The following KIAA0586 variants were observed in gnomAD, a reference collection of about 807,000 sequenced individuals.
KIAA0586 encodes the protein KIAA0586.
A neutral mutation model predicts 169.8 loss-of-function variants in KIAA0586; 144 were observed. The observed-to-expected ratio is 0.85, with a 90% CI of 0.74 to 0.97. The LOEUF (loss-of-function observed/expected upper bound fraction) is 0.97. KIAA0586 is among the 50% of genes least tolerant of loss of function. The pLI is 0.00. For missense variants in KIAA0586, 1,854 were observed against 1,823.0 expected (o/e 1.02, Z -0.31); for synonymous variants, 625 against 612.4 (o/e 1.02, Z -0.30).
chr14:58,548,258 T>G lies in KIAA0586; in HGVS notation c.*326T>G, dbSNP rs2047103823. ...ATTTATAAAATTATGTAGCTCAAGG[T>G]TATTCATTCTAACATTTTTATAACA... On this transcript the variant is annotated 3_prime_UTR_variant, in exon 31 of 31. Transcript: ENST00000652326. The G allele has an allele frequency of 4.9e-6, 1 of 203,808 alleles. No homozygotes were observed. Among genetic ancestry groups the G allele is most frequent in the African/African-American group, 2.3e-5 (1 of 43,276 alleles). 12.6% of individuals were successfully genotyped at this position (203,808 alleles called of 1,614,324 possible). A position where few individuals can be genotyped will look rare whatever the true frequency, so the allele number is the denominator to read the frequency against.
At chr14:58,465,513 CACGTG>C (rs2040685479) in intron 14 of KIAA0586, among the ~76,000 whole-genome samples, 1 of 152,202 alleles carries the variant, frequency 6.6e-6, no homozygotes, top group African/African-American at 2.4e-5. Flanking sequence ...CTGTGGCCTA[CACGTG>C]AGCTGCCTGT....
At chr14:58,538,927 G>A (rs1173392456) in intron 29 of KIAA0586, among the ~76,000 whole-genome samples, 2 of 151,940 alleles carry the variant, frequency 1.3e-5, no homozygotes, top group East Asian at 1.9e-4. Flanking sequence ...CTACGGGCGC[G>A]AGCCACCACA....
At chr14:58,450,392 G>C (rs1383036494) in intron 7 of KIAA0586, among the ~76,000 whole-genome samples, 187 bp from the exon 8 acceptor site, 1 of 152,096 alleles carries the variant, frequency 6.6e-6, no homozygotes, top group African/African-American at 2.4e-5. Flanking sequence ...CTAGATGTAA[G>C]TGTACAATGT....
At chr14:58,538,239 G>C (rs117237144) in intron 29 of KIAA0586, among the ~76,000 whole-genome samples, 4,518 of 152,146 alleles carry the variant, frequency 0.03, 91 homozygotes, top group Non-Finnish European at 0.04. Flanking sequence ...TATGTAACTT[G>C]TATTTGTCCA....
chr14:58,517,135 C>T (rs575224357), intron 29 of KIAA0586, among the ~76,000 whole-genome samples: 1 of 152,026 alleles, frequency 6.6e-6, no homozygotes, highest in African/African-American at 2.4e-5. Flanking sequence ...TGGACTTAAT[C>T]AAAATAAAAA....
At chr14:58,454,015 A>G (rs1008149919) in intron 9 of KIAA0586, among the ~76,000 whole-genome samples, 2 of 152,182 alleles carry the variant, frequency 1.3e-5, no homozygotes, top group Non-Finnish European at 2.9e-5. Flanking sequence ...GAGATATTGT[A>G]TAGTCTATTT....
Position 58,474,914 on chromosome 14 carries a change from T to A in KIAA0586, c.2825+117T>A, listed in dbSNP as rs113648587. On this transcript the variant is annotated intron_variant, in intron 19 of 30. Coordinates refer to ENST00000652326, the MANE Select transcript of KIAA0586 (RefSeq NM_001329943.3). Reference sequence around the variant, plus strand: ...CTTTTGTTTATTAAACTTTCTTTGCTTTAGTCACTGGAAAGTGTTTGATAT... The same window carrying A: ...CTTTTGTTTATTAAACTTTCTTTGCATTAGTCACTGGAAAGTGTTTGATAT... 4.0e-5 allele frequency: 31 copies of A among 775,802 alleles called. 1 individual carries two copies. In the African/African-American group the frequency reaches 4.6e-4, roughly 12 times the overall value. The allele number at this position is 775,802 out of a possible 1,614,324, so 48.1% of individuals were successfully genotyped here. A position where few individuals can be genotyped will look rare whatever the true frequency, so the allele number is the denominator to read the frequency against.
intron 27 of KIAA0586, among the ~76,000 whole-genome samples, chr14:58,503,838 C>T (rs1034649894): frequency 1.3e-5 from 2 of 150,018 alleles, no homozygotes; most frequent in East Asian, 3.9e-4. Context: ...AAGGGTTAAT[C>T]GTGGAAATGC....
At chr14:58,437,783 T>C (rs2037959266) in intron 4 of KIAA0586, among the ~76,000 whole-genome samples, 1 of 151,084 alleles carries the variant, frequency 6.6e-6, no homozygotes, top group South Asian at 2.1e-4. Flanking sequence ...GAAGTCATCA[T>C]TATGTAAGTG....
intron 30 of KIAA0586, among the ~76,000 whole-genome samples, chr14:58,543,323 A>C (rs2046776211): frequency 6.6e-6 from 1 of 152,072 alleles, no homozygotes; most frequent in African/African-American, 2.4e-5. Flanking sequence ...TTATTTCCTT[A>C]CTTGTCATTC....
chr14:58,450,206 C>T (rs1233222614), intron 7 of KIAA0586, among the ~76,000 whole-genome samples: 3 of 151,938 alleles, frequency 2.0e-5, no homozygotes. Flanking sequence ...TATGTTATTT[C>T]CTTAGAATAA....
At chr14:58,546,697 T>TA (rs2047006082) in intron 30 of KIAA0586, among the ~76,000 whole-genome samples, 1 of 152,206 alleles carries the variant, frequency 6.6e-6, no homozygotes. Context: ...TATAGGCAGA[T>TA]ACATACACTT....
In KIAA0586 at chr14:58,492,131, A is replaced by T. The variant is rs1198360495; in HGVS notation, c.3859-13A>T. On this transcript the variant is annotated splice_polypyrimidine_tract_variant and intron_variant, in intron 25 of 30. Transcript: ENST00000652326. Reference sequence around the variant, plus strand: ...TAATTTATTTTTATTAATTGTCTTTATGTTTCTTTTAGGAGGATGATCCTC... The same window carrying T: ...TAATTTATTTTTATTAATTGTCTTTTTGTTTCTTTTAGGAGGATGATCCTC... The T allele has an allele frequency of 1.3e-6, 2 of 1,498,416 alleles. No homozygotes were observed. The highest frequency in any genetic ancestry group is 2.8e-5 in the African/African-American group (2 of 70,282). The allele number at this position is 1,498,416 out of a possible 1,614,324, so 92.8% of individuals were successfully genotyped here. A position where few individuals can be genotyped will look rare whatever the true frequency, so the allele number is the denominator to read the frequency against.
In KIAA0586 at chr14:58,457,934, A is replaced by G. The variant is rs796052129; in HGVS notation, c.1538A>G (p.Asp513Gly). ...CTGGAAGCTATTATTCGTGCAAAAG[A>G]TGGAGCTGCCATGTATTCGCTTATC... ...ENLEAIIRAK[D>G]GAAMYSLINA... The change falls in exon 11 of 31, where the codon GAT becomes GGT. Residue 513 changes from aspartate to glycine, a missense_variant. Asp to Gly is a moderately conservative substitution (Grantham distance 94). Coordinates refer to ENST00000652326, the MANE Select transcript of KIAA0586 (RefSeq NM_001329943.3). 6.2e-7 allele frequency: 1 copy of G among 1,603,462 alleles called. No homozygotes were observed.
At chr14:58,481,579 AGAT>A (rs1341684961) in intron 20 of KIAA0586, among the ~76,000 whole-genome samples, 4 of 152,158 alleles carry the variant, frequency 2.6e-5, no homozygotes, top group Non-Finnish European at 5.9e-5. Flanking sequence ...AGTTGTATTC[AGAT>A]GAGGGCATTT....
rs2041137903 is a variant in KIAA0586 at position 58,470,630 on chromosome 14, T to C, written c.2460T>C (p.Asp820=). The change falls in exon 17 of 31, where the codon GAT becomes GAC. Residue 820 remains aspartate (D), a synonymous_variant. Transcript: ENST00000652326. Reference sequence around the variant, plus strand: ...TGTTTTAGGTATTACCCAGTGTAGATATTGACAGCATTTCAAATAGTAGTG... The same window carrying C: ...TGTTTTAGGTATTACCCAGTGTAGACATTGACAGCATTTCAAATAGTAGTG... ...QLTVQVLPSV[D]IDSISNSSAD... is the part of the protein sequence containing the mutation. The C allele has an allele frequency of 3.1e-6, 5 of 1,600,224 alleles. No homozygotes were observed. The highest frequency in any genetic ancestry group is 4.3e-6 in the Non-Finnish European group (5 of 1,167,804).
intron 21 of KIAA0586, among the ~76,000 whole-genome samples, chr14:58,485,069 G>A (rs1169862069): frequency 3.5e-5 from 5 of 144,220 alleles, no homozygotes; most frequent in Admixed American, 7.1e-5. Flanking sequence ...GATTACAGGC[G>A]CCCGCCACCA....
At chr14:58,500,795 CA>C (rs897988212) in intron 27 of KIAA0586, among the ~76,000 whole-genome samples, 7 of 150,272 alleles carry the variant, frequency 4.7e-5, no homozygotes, top group East Asian at 1.9e-4. Context: ...GTGAAATCAC[CA>C]AAAAAAAGGG....
intron 21 of KIAA0586, among the ~76,000 whole-genome samples, chr14:58,483,506 A>C (rs2042174363): frequency 6.6e-6 from 1 of 152,200 alleles, no homozygotes; most frequent in Admixed American, 6.5e-5. Flanking sequence ...GCGTGTTAAT[A>C]ATATAGAATA....
Sources: allele counts gnomAD v4.1 joint callset (sites outside exome capture counted in the v4.1 genomes callset), GRCh38; gene constraint gnomAD v4.1.1; transcripts MANE v1.5; gene names NCBI Gene and HGNC (gene_info 2026-07-23, HGNC 2026-07-21).